The following LRRC17 variants were observed in gnomAD, a reference collection of about 807,000 sequenced individuals.
LRRC17 encodes leucine-rich repeat-containing protein 17.
Under a neutral mutation model 41.5 loss-of-function variants are expected in LRRC17, and 33 were observed. The ratio of observed to expected loss-of-function variants is 0.80; its 90% CI spans 0.60 to 1.06. The LOEUF (loss-of-function observed/expected upper bound fraction) is 1.06, where lower values mean the gene tolerates loss of function less well. LRRC17 is among the 50% of genes least tolerant of loss of function. LRRC17 has a pLI of 0.00. For synonymous variants in LRRC17, 192 were observed against 197.0 expected (o/e 0.97, Z 0.21); for missense variants, 491 against 519.3 (o/e 0.95, Z 0.53).
intron 1 of LRRC17, chr7:102,933,172 A>G (rs575468954): frequency 2.0e-5 from 3 of 152,278 alleles, no homozygotes; most frequent in East Asian, 1.9e-4. Flanking sequence ...TGAAAAGGTA[A>G]CATTTGAGCC....
At chr7:102,928,955 G>A (rs1000632351) in intron 1 of LRRC17, among the ~76,000 whole-genome samples, 4 of 152,090 alleles carry the variant, frequency 2.6e-5, no homozygotes, top group Non-Finnish European at 5.9e-5. Flanking sequence ...CATTTCTTGC[G>A]GATGACCCTG....
chr7:102,929,681 A>AG (rs1209637453), intron 1 of LRRC17, among the ~76,000 whole-genome samples: 2 of 151,502 alleles, frequency 1.3e-5, no homozygotes, highest in African/African-American at 4.8e-5. Flanking sequence ...AAAAAAAAAA[A>AG]AAATTAATTA....
rs1260531630 is a variant in LRRC17, at chr7:102,934,302, A to C, written c.389A>C (p.Lys130Thr). ...AGTGAGGCGTTCTTTGGTTTAAACA[A>C]ACTCACCACCCTCTTACTGCAGCAC... ...IESEAFFGLN[K>T]LTTLLLQHNQ... Residue 130 changes from lysine to threonine, a missense_variant, in exon 2 of 4, where the codon AAA (lysine) becomes ACA (threonine). Physicochemically the swap from Lys to Thr is moderately conservative, Grantham distance 78. Transcript: ENST00000339431. The C allele has an allele frequency of 5.0e-6, 8 of 1,614,028 alleles. No individual in the cohort carries two copies. The highest frequency in any genetic ancestry group is 3.3e-5 in the Admixed American group (2 of 59,996).
chr7:102,944,252 C>T lies in LRRC17; in HGVS notation c.971C>T (p.Ser324Leu). The stretch of plus-strand genomic sequence containing the variant: ...ACACATTTAGAAGAATTAGATTTAT[C>T]AAACAACAGTCTGCAAAACTTTGAC... ...GLTHLEELDLSNNSLQNFDYG... is the reference protein window; with the variant it reads ...GLTHLEELDLLNNSLQNFDYG... The change falls in exon 4 of 4, where the codon TCA becomes TTA. Residue 324 changes from serine (S) to leucine (L), a missense_variant. Transcript: ENST00000339431. 6.2e-7 allele frequency: 1 copy of T among 1,611,132 alleles called. No individual in the cohort carries two copies. The highest frequency in any genetic ancestry group is 1.1e-5 in the South Asian group (1 of 90,144).
intron 1 of LRRC17, among the ~76,000 whole-genome samples, chr7:102,927,130 A>C (rs894610882): frequency 2.6e-5 from 4 of 152,206 alleles, no homozygotes; most frequent in African/African-American, 9.6e-5. Flanking sequence ...TGAAATTTAC[A>C]AGACCAGATG....
At chr7:102,939,166 C>T (rs1276911607) in intron 2 of LRRC17, among the ~76,000 whole-genome samples, 2 of 152,168 alleles carry the variant, frequency 1.3e-5, no homozygotes, top group African/African-American at 4.8e-5. Flanking sequence ...ACAAGGATGA[C>T]CTACAGGTCT....
At chr7:102,917,985 T>G (rs958233256) in intron 1 of LRRC17, among the ~76,000 whole-genome samples, 1 of 152,192 alleles carries the variant, frequency 6.6e-6, no homozygotes. Flanking sequence ...AGAAAAAATA[T>G]TCAAATAAAA....
rs1347670110 is a variant in LRRC17 at position 102,944,731 on chromosome 7, CTTTAA to C, written c.*127_*131del. 4.8e-6 allele frequency: 4 copies of C among 828,778 alleles called. No homozygotes were observed. In the African/African-American group the frequency reaches 6.9e-5, roughly 14 times the overall value. The allele number at this position is 828,778 out of a possible 1,614,324, so 51.3% of individuals were successfully genotyped here. On this transcript the variant is annotated 3_prime_UTR_variant, in exon 4 of 4. Transcript: ENST00000339431. ...GGGTAATCCAGCTAAAGGAAGCTTT[CTTTAA>C]TTATAAGTATTATTGTGACTATTAT...
chr7:102,944,143 C>A, intron 3 of LRRC17, 67 bp from the exon 4 acceptor site: 3 of 1,218,090 alleles, frequency 2.5e-6, no homozygotes, highest in Non-Finnish European at 2.2e-6. Flanking sequence ...TTGTATTTGT[C>A]CTTTCCATAT....
intron 1 of LRRC17, among the ~76,000 whole-genome samples, chr7:102,926,642 T>C (rs1418333730): frequency 2.0e-5 from 3 of 152,162 alleles, no homozygotes; most frequent in Non-Finnish European, 2.9e-5. Context: ...TGTGAACCCA[T>C]GCAAGTTCAA....
intron 1 of LRRC17, among the ~76,000 whole-genome samples, chr7:102,924,132 G>T (rs1255861135): frequency 6.6e-6 from 1 of 151,906 alleles, no homozygotes; most frequent in Admixed American, 6.6e-5. Context: ...CAGCTACTTG[G>T]GAGGCTGAGG....
intron 2 of LRRC17, chr7:102,936,358 T>C (rs1000196679): frequency 1.2e-4 from 19 of 152,214 alleles, no homozygotes; most frequent in African/African-American, 4.3e-4. Context: ...TCTTGGTCTA[T>C]CTGAGCCAGA....
chr7:102,929,131 T>G (rs1329337714), intron 1 of LRRC17, among the ~76,000 whole-genome samples: 1 of 152,006 alleles, frequency 6.6e-6, no homozygotes, highest in Non-Finnish European at 1.5e-5. Context: ...AGTGGAGGAG[T>G]TCTGAGGGTC....
intron 1 of LRRC17, among the ~76,000 whole-genome samples, chr7:102,932,341 A>G (rs1203511858): frequency 1.3e-5 from 2 of 152,188 alleles, no homozygotes; most frequent in Non-Finnish European, 2.9e-5. Context: ...TGTACAATAA[A>G]TATCTATATA....
chr7:102,942,751 T>C (rs991792840), intron 3 of LRRC17, among the ~76,000 whole-genome samples: 3 of 152,212 alleles, frequency 2.0e-5, no homozygotes, highest in Non-Finnish European at 4.4e-5. Context: ...GGGGGAATTA[T>C]GGGTTTTTTC....
intron 2 of LRRC17, among the ~76,000 whole-genome samples, chr7:102,937,155 C>A (rs533982698): frequency 6.6e-6 from 1 of 152,212 alleles, no homozygotes; most frequent in African/African-American, 2.4e-5. Context: ...AACTTAAGTT[C>A]CTCCAAGTGT....
chr7:102,918,138 A>G (rs1425859727), intron 1 of LRRC17, among the ~76,000 whole-genome samples: 6 of 152,242 alleles, frequency 3.9e-5, no homozygotes. Context: ...TACAGTTTCG[A>G]GAACATTTTT....
At chr7:102,940,312 C>T (rs1821168748) in intron 3 of LRRC17, among the ~76,000 whole-genome samples, 1 of 151,858 alleles carries the variant, frequency 6.6e-6, no homozygotes, top group Non-Finnish European at 1.5e-5. Context: ...CAGGTTCACG[C>T]CATTCTCCTG....
At chr7:102,930,398 G>A (rs1024098516) in intron 1 of LRRC17, among the ~76,000 whole-genome samples, 2 of 152,016 alleles carry the variant, frequency 1.3e-5, no homozygotes, top group African/African-American at 4.8e-5. Context: ...CCCTGCCCCT[G>A]TTTTCCTTCT....
Sources: gnomAD v4.1 joint callset for allele counts (sites outside exome capture counted in the v4.1 genomes callset) on GRCh38, gnomAD v4.1.1 for gene constraint, MANE v1.5 for transcripts, NCBI Gene and HGNC (gene_info 2026-07-23, HGNC 2026-07-21) for gene names.